Variants in NLN observed in about 807,000 individuals in gnomAD.
NLN encodes neurolysin.
In NLN, 64 loss-of-function variants were observed where a neutral mutation model predicts 79.9. The observed-to-expected ratio is 0.80, with a 90% CI of 0.65 to 0.99. The LOEUF (loss-of-function observed/expected upper bound fraction) is 0.99, where lower values mean the gene tolerates loss of function less well. Among genes scored for constraint, NLN ranks in the 50% least tolerant of loss-of-function variants. The pLI, the probability that NLN is intolerant of heterozygous loss-of-function variation, is 0.00. For synonymous variants in NLN, 267 were observed against 296.6 expected (o/e 0.90, Z 1.02); for missense variants, 835 against 858.7 (o/e 0.97, Z 0.34).
intron 4 of NLN, among the ~76,000 whole-genome samples, chr5:65,779,482 C>T (rs967621027): frequency 1.3e-5 from 2 of 151,906 alleles, no homozygotes; most frequent in Non-Finnish European, 2.9e-5. Flanking sequence ...AAAACTAAAA[C>T]ATCACCTTTT....
Position 65,825,549 on chromosome 5 carries a change from GT to G in NLN, c.*2635del, listed in dbSNP as rs955926002. On this transcript the variant is annotated 3_prime_UTR_variant, in exon 13 of 13. Transcript: ENST00000380985. Reference sequence around the variant, plus strand: ...CGTTTTGCCACCTGATGTAGACTTTGTCCCCCTCTAGTATAAATGTTGCATG... The same window carrying G: ...CGTTTTGCCACCTGATGTAGACTTTGCCCCCTCTAGTATAAATGTTGCATG... The G allele has an allele frequency of 3.9e-5, 6 of 152,162 alleles. No individual in the cohort carries two copies. Among genetic ancestry groups the G allele is most frequent in the African/African-American group, 1.4e-4 (6 of 41,440 alleles). The allele number at this position is 152,162 out of a possible 1,614,324, so 9.4% of individuals were successfully genotyped here.
chr5:65,807,590 G>A lies in NLN; in HGVS notation c.1528-1925G>A, dbSNP rs190079969. 9.9e-5 allele frequency among the ~76,000 whole-genome samples: 15 copies of A among 151,952 alleles called. No individual in the cohort carries two copies. In the East Asian group the frequency reaches 1.9e-3, roughly 20 times the overall value. The stretch of plus-strand genomic sequence containing the variant: ...TGAGTAGCTGGGATTACAGGTGCCC[G>A]CCACCATGCCTGGCTAATTTTTGTA... On this transcript the variant is annotated intron_variant, in intron 9 of 12. Transcript: ENST00000380985.
At chr5:65,784,560 G>T (rs1759873555) in intron 6 of NLN, among the ~76,000 whole-genome samples, 1 of 152,180 alleles carries the variant, frequency 6.6e-6, no homozygotes, top group Admixed American at 6.5e-5. Context: ...GGGAAGGGCA[G>T]AAAAGGCCCA....
chr5:65,724,603 A>G (rs1281780865), intron 1 of NLN, among the ~76,000 whole-genome samples: 2 of 152,102 alleles, frequency 1.3e-5, no homozygotes, highest in Non-Finnish European at 2.9e-5. Context: ...TACTGTATGT[A>G]CCTAGAAGTG....
intron 9 of NLN, chr5:65,793,071 A>C (rs914955431): frequency 3.6e-6 from 1 of 281,214 alleles, no homozygotes; most frequent in South Asian, 3.3e-5. Flanking sequence ...TTTTTAAATA[A>C]TAATTTTGTA....
At chr5:65,818,718 G>A (rs1170791916) in intron 12 of NLN, 1 of 152,350 alleles carries the variant, frequency 6.6e-6, no homozygotes, top group African/African-American at 2.4e-5. Flanking sequence ...TTTAGAGCAG[G>A]CTGGTGAGCT....
rs560756962 is a variant in NLN at position 65,722,809 on chromosome 5, C to G, written c.41+395C>G. The G allele has an allele frequency of 4.8e-5, 9 of 189,346 alleles. No homozygotes were observed. The South Asian group carries it at 9.2e-4, about 19-fold the overall frequency. The allele number at this position is 189,346 out of a possible 1,614,324, so 11.7% of individuals were successfully genotyped here. ...ACTCAGAACAATTGTGTTTGCTCCT[C>G]GCGCCCATTATTAGCATTCCAATCG... On this transcript the variant is annotated intron_variant, in intron 1 of 12. Transcript: ENST00000380985.
At chr5:65,816,127 G>A (rs1217792067) in intron 12 of NLN, among the ~76,000 whole-genome samples, 1 of 152,020 alleles carries the variant, frequency 6.6e-6, no homozygotes, top group Non-Finnish European at 1.5e-5. Context: ...GAAGGCAGAG[G>A]TTGCAGTGAG....
chr5:65,780,314 A>T, intron 5 of NLN, 33 bp downstream of exon 5: 1 of 860,262 alleles, frequency 1.2e-6, no homozygotes, highest in Non-Finnish European at 1.9e-6. Context: ...ATTAAATCAT[A>T]TAATTTAGGC....
chr5:65,727,145 C>T (rs1364127595), intron 1 of NLN, among the ~76,000 whole-genome samples: 2 of 152,166 alleles, frequency 1.3e-5, no homozygotes, highest in Non-Finnish European at 2.9e-5. Flanking sequence ...CTCCCTTGGA[C>T]CTCTTTCAAG....
At position 65,763,040 on chromosome 5, in the gene NLN, A is replaced by C; in HGVS notation, c.382A>C (p.Arg128=). Residue 128 remains arginine (R), a synonymous_variant, in exon 3 of 13, where the codon AGA becomes CGA. Coordinates refer to ENST00000380985, the MANE Select transcript of NLN (RefSeq NM_020726.5). The stretch of plus-strand genomic sequence containing the variant: ...AGCAGCAAGTACAGAAGCAGACAAA[A>C]GACTTTCTCGTTTTGATATTGAGAT... The part of the protein sequence containing the change: ...VRAASTEADK[R]LSRFDIEMSM... The C allele has an allele frequency of 6.2e-7, 1 of 1,613,980 alleles. No individual in the cohort carries two copies.
chr5:65,772,085 C>T (rs1759581661), intron 3 of NLN, among the ~76,000 whole-genome samples: 1 of 151,800 alleles, frequency 6.6e-6, no homozygotes, highest in Admixed American at 6.6e-5. Context: ...ACTAAACTTA[C>T]AATTTTTTTG....
In NLN at chr5:65,733,586, TG is replaced by T. The variant is rs1453560673; in HGVS notation, c.41+11174del. ...TCAGGCAGCCCAAGAGGATCTTTTT[TG>T]GTCCCGTCCCCTGCCCTTCCTGTGG... is the stretch of plus-strand genomic sequence containing the variant. On this transcript the variant is annotated intron_variant, in intron 1 of 12. Transcript: ENST00000380985. The T allele has an allele frequency of 2.7e-6, 4 of 1,501,650 alleles. 1 individual carries two copies. In the African/African-American group the frequency reaches 5.9e-5, roughly 22 times the overall value. 93.0% of individuals were successfully genotyped at this position (1,501,650 alleles called of 1,614,324 possible). A position where few individuals can be genotyped will look rare whatever the true frequency, so the allele number is the denominator to read the frequency against.
Position 65,733,606 on chromosome 5 carries a change from C to G in NLN, c.41+11192C>G, listed in dbSNP as rs1343142855. ...TTTTTTGGTCCCGTCCCCTGCCCTTCCTGTGGCTCATGGCCATCTGAGAAA... is the reference window on the plus strand; with the variant it reads ...TTTTTTGGTCCCGTCCCCTGCCCTTGCTGTGGCTCATGGCCATCTGAGAAA... On this transcript the variant is annotated intron_variant, in intron 1 of 12. Coordinates refer to ENST00000380985, the MANE Select transcript of NLN (RefSeq NM_020726.5). 25 of 1,499,876 alleles carry G rather than the reference C, an allele frequency of 1.7e-5. 3 individuals carry two copies. Among genetic ancestry groups the G allele is most frequent in the South Asian group, 5.7e-5 (5 of 87,504 alleles). 92.9% of individuals were successfully genotyped at this position (1,499,876 alleles called of 1,614,324 possible).
rs1389834272 is a variant in NLN, at chr5:65,792,466, C to G, written c.1338C>G (p.Tyr446Ter). The G allele has an allele frequency of 1.9e-6, 3 of 1,612,842 alleles. No homozygotes were observed. The highest frequency in any genetic ancestry group is 2.5e-6 in the Non-Finnish European group (3 of 1,179,170). Reference protein sequence around the residue: ...YLDLYPREGKYNHAACFGLQP... With the variant: ...YLDLYPREGK ...TTCTGGCTCCTAGGGAAGGAAAATACAATCATGCGGCCTGCTTCGGTCTCC... is the reference window on the plus strand; with the variant it reads ...TTCTGGCTCCTAGGGAAGGAAAATAGAATCATGCGGCCTGCTTCGGTCTCC... Residue 446 changes from tyrosine (Y) to a stop codon, truncating the protein, a stop_gained, in exon 9 of 13, where the codon TAC becomes TAG. Transcript: ENST00000380985. LOFTEE classifies it high-confidence loss of function.
intron 3 of NLN, among the ~76,000 whole-genome samples, chr5:65,776,675 G>T (rs533840043): frequency 6.6e-6 from 1 of 152,324 alleles, no homozygotes; most frequent in Non-Finnish European, 1.5e-5. Flanking sequence ...CTGCTTTAGA[G>T]AAACATCTGG....
intron 1 of NLN, among the ~76,000 whole-genome samples, chr5:65,724,441 T>C (rs1199278417): frequency 6.6e-6 from 1 of 152,238 alleles, no homozygotes; most frequent in African/African-American, 2.4e-5. Context: ...TAAAACTGAA[T>C]AATATTTCAT....
At chr5:65,791,713 ACT>A (rs1252669126) in intron 8 of NLN, among the ~76,000 whole-genome samples, 2 of 151,060 alleles carry the variant, frequency 1.3e-5, no homozygotes, top group African/African-American at 2.4e-5. Flanking sequence ...ACAGAGCAAG[ACT>A]CTGTCTCAAA....
At chr5:65,726,891 C>G (rs1758484854) in intron 1 of NLN, among the ~76,000 whole-genome samples, 1 of 152,174 alleles carries the variant, frequency 6.6e-6, no homozygotes, top group African/African-American at 2.4e-5. Flanking sequence ...TTTCCTGTTT[C>G]CTCTGACACT....
Sources: allele counts gnomAD v4.1 joint callset (sites outside exome capture counted in the v4.1 genomes callset), GRCh38; gene constraint gnomAD v4.1.1; transcripts MANE v1.5; gene names NCBI Gene and HGNC (gene_info 2026-07-23, HGNC 2026-07-21).